Variants in AGMO observed in about 807,000 individuals in gnomAD.
AGMO encodes glyceryl-ether monooxygenase.
AGMO carries 75 observed loss-of-function variants against 60.2 expected under a neutral mutation model. That is an observed-to-expected ratio of 1.25 (90% CI 1.03 to 1.51). AGMO has a LOEUF of 1.51. Among genes scored for constraint, AGMO ranks in the 40% most tolerant of loss-of-function variants. The pLI is 0.00. For synonymous variants in AGMO, 261 were observed against 177.1 expected (o/e 1.47, Z -3.76); for missense variants, 763 against 525.5 (o/e 1.45, Z -4.42).
chr7:15,272,366 G>A (rs1783641741), intron 12 of AGMO, among the ~76,000 whole-genome samples: 1 of 146,506 alleles, frequency 6.8e-6, no homozygotes, highest in Non-Finnish European at 1.5e-5. Flanking sequence ...ACCTATGAGT[G>A]AGAACATGCG....
the AGMO span, among the ~76,000 whole-genome samples, chr7:15,160,757 G>C: frequency 2.6e-5 from 4 of 152,104 alleles, no homozygotes; most frequent in African/African-American, 9.7e-5. Context: ...TGGAACCCAG[G>C]TATTTGGTCA....
At chr7:15,181,624 T>C in the AGMO span, among the ~76,000 whole-genome samples, 1,425 of 152,304 alleles carry the variant, frequency 9.4e-3, 14 homozygotes, top group Non-Finnish European at 0.017. Context: ...ATATATTATA[T>C]ATATTATCTA....
the AGMO span, among the ~76,000 whole-genome samples, chr7:15,162,987 T>C: frequency 6.6e-6 from 1 of 152,196 alleles, no homozygotes; most frequent in African/African-American, 2.4e-5. Context: ...ATCATCTATC[T>C]GTGATTTCTT....
chr7:15,271,698 A>G (rs1373444865), intron 12 of AGMO, among the ~76,000 whole-genome samples: 2 of 152,160 alleles, frequency 1.3e-5, no homozygotes, highest in Non-Finnish European at 2.9e-5. Context: ...GACTTCCAGT[A>G]CTATGTTGAA....
At chr7:15,355,957 C>A (rs570484124) in intron 12 of AGMO, among the ~76,000 whole-genome samples, 1 of 133,416 alleles carries the variant, frequency 7.5e-6, no homozygotes, top group East Asian at 2.1e-4. Flanking sequence ...AAAGGAAACA[C>A]AAATTCCTTC....
the AGMO span, among the ~76,000 whole-genome samples, chr7:15,124,946 CAG>C: frequency 2.0e-5 from 3 of 151,718 alleles, no homozygotes; most frequent in Admixed American, 2.0e-4. Flanking sequence ...AGGGGGGACA[CAG>C]AAATCAGTCA....
intron 12 of AGMO, among the ~76,000 whole-genome samples, chr7:15,260,818 C>A (rs565109348): frequency 1.2e-4 from 18 of 152,170 alleles, no homozygotes; most frequent in African/African-American, 4.1e-4. Flanking sequence ...CAAGTACTCT[C>A]TCTGACCACA....
chr7:15,280,060 T>C (rs1783918852), intron 12 of AGMO, among the ~76,000 whole-genome samples: 1 of 152,160 alleles, frequency 6.6e-6, no homozygotes, highest in South Asian at 2.1e-4. Flanking sequence ...TGAACTCCCT[T>C]GGCCAGAATC....
At chr7:15,342,895 G>T (rs964983474) in intron 12 of AGMO, among the ~76,000 whole-genome samples, 1 of 150,770 alleles carries the variant, frequency 6.6e-6, no homozygotes, top group Non-Finnish European at 1.5e-5. Context: ...CATTTGAGAA[G>T]TGTGGTTAAT....
intron 12 of AGMO, among the ~76,000 whole-genome samples, chr7:15,330,474 A>G (rs1352475256): frequency 6.6e-6 from 1 of 152,176 alleles, no homozygotes; most frequent in Non-Finnish European, 1.5e-5. Context: ...TATATGAACA[A>G]AAGACAATAT....
chr7:15,243,290 G>C (rs903665646), intron 12 of AGMO, among the ~76,000 whole-genome samples: 1 of 152,064 alleles, frequency 6.6e-6, no homozygotes, highest in African/African-American at 2.4e-5. Context: ...CTTCTAAGCA[G>C]CTACAGCATT....
At chr7:15,190,386 G>A in the AGMO span, among the ~76,000 whole-genome samples, 2 of 151,726 alleles carry the variant, frequency 1.3e-5, no homozygotes, top group African/African-American at 4.8e-5. Context: ...AAATGTGGTG[G>A]CCTTTATAAG....
chr7:15,495,377 T>A (rs535435892), intron 3 of AGMO, among the ~76,000 whole-genome samples: 2 of 152,258 alleles, frequency 1.3e-5, no homozygotes, highest in East Asian at 3.9e-4. Context: ...CAGAGATAAT[T>A]CAGTCCATGT....
At chr7:15,354,086 G>A (rs536914905) in intron 12 of AGMO, among the ~76,000 whole-genome samples, 3 of 151,826 alleles carry the variant, frequency 2.0e-5, no homozygotes, top group Admixed American at 6.6e-5. Context: ...GTATTTTGTT[G>A]TTCATGGAAA....
intron 10 of AGMO, among the ~76,000 whole-genome samples, chr7:15,384,632 A>T (rs1583487413): frequency 6.6e-6 from 1 of 152,004 alleles, no homozygotes; most frequent in Non-Finnish European, 1.5e-5. Flanking sequence ...GAGGTTTTTC[A>T]TGGGGTGCTT....
chr7:15,299,158 T>C (rs1052341574), intron 12 of AGMO, among the ~76,000 whole-genome samples: 1 of 152,184 alleles, frequency 6.6e-6, no homozygotes, highest in East Asian at 1.9e-4. Flanking sequence ...TGTTTTTTGC[T>C]ACATATGAGT....
rs10267533 is a variant in AGMO, at chr7:15,372,804, A to C, written c.1075-6582T>G. Among the ~76,000 whole-genome samples, 933 of 152,270 alleles carry C rather than the reference A, an allele frequency of 6.1e-3. 8 individuals are homozygous for C. Among genetic ancestry groups the C allele is most frequent in the African/African-American group, 0.021 (879 of 41,556 alleles). ...ATTATATACTGCTGGTTTATCTTTC[A>C]TATAAAGTATCTCTGTCCTAAAGTG... On this transcript the variant is annotated intron_variant, in intron 10 of 12. Transcript: ENST00000342526.
chr7:15,181,909 G>T, the AGMO span, among the ~76,000 whole-genome samples: 3 of 152,074 alleles, frequency 2.0e-5, no homozygotes, highest in Admixed American at 6.6e-5. Flanking sequence ...CATATATTGT[G>T]CACTCATACT....
rs192244855 is a variant in AGMO, at chr7:15,391,119, T to G, written c.677-214A>C. Among the ~76,000 whole-genome samples, 17 of 152,196 alleles carry G rather than the reference T, an allele frequency of 1.1e-4. No homozygotes were observed. In the East Asian group the frequency reaches 3.3e-3, roughly 29 times the overall value. On this transcript the variant is annotated intron_variant, in intron 6 of 12. Coordinates refer to ENST00000342526, the MANE Select transcript of AGMO (RefSeq NM_001004320.2). ...ATTATACTAAAAAGGGGAAGTGTTT[T>G]CTTAAAGCTAGATGCATGCTTTCTT...
Sources: allele counts gnomAD v4.1 joint callset (sites outside exome capture counted in the v4.1 genomes callset), GRCh38; gene constraint gnomAD v4.1.1; transcripts MANE v1.5; gene names NCBI Gene and HGNC (gene_info 2026-07-23, HGNC 2026-07-21).